CUX1: variants seen among roughly 807,000 people sequenced by gnomAD.
The protein encoded by CUX1 is protein CASP.
Under a neutral mutation model 158.8 loss-of-function variants are expected in CUX1, and 31 were observed. The ratio of observed to expected loss-of-function variants is 0.20; its 90% CI spans 0.15 to 0.26. CUX1 has a LOEUF of 0.26. Among genes scored for constraint, CUX1 ranks in the 10% least tolerant of loss-of-function variants. CUX1 has a pLI of 1.00. For missense variants in CUX1, 1,589 were observed against 2,014.6 expected (o/e 0.79, Z 4.04); for synonymous variants, 879 against 862.1 (o/e 1.02, Z -0.34).
chr7:102,255,655 T>C lies in CUX1; in HGVS notation c.*6613T>C, dbSNP rs1554541766. 2 of 985,322 alleles carry C rather than the reference T, an allele frequency of 2.0e-6. No individual in the cohort carries two copies. Among genetic ancestry groups the C allele is most frequent in the African/African-American group, 3.5e-5 (2 of 57,248 alleles). 61.0% of individuals were successfully genotyped at this position (985,322 alleles called of 1,614,324 possible). A position where few individuals can be genotyped will look rare whatever the true frequency, so the allele number is the denominator to read the frequency against. On this transcript the variant is annotated 3_prime_UTR_variant, in exon 24 of 24. Transcript: ENST00000292535. The stretch of plus-strand genomic sequence containing the variant: ...GTAATCAGAAAGAAAAGGTGCCTTA[T>C]ATCCCAATGTCACGGCTACATCCCT...
intron 1 of CUX1, among the ~76,000 whole-genome samples, chr7:101,847,386 A>G (rs1456153155): frequency 1.3e-5 from 2 of 152,142 alleles, no homozygotes; most frequent in Non-Finnish European, 2.9e-5. Context: ...CCCTATCAGC[A>G]GCCATGCGTC....
Position 102,201,900 on chromosome 7 carries a change from G to A in CUX1, c.2603G>A (p.Ser868Asn), listed in dbSNP as rs1795489283. 6.2e-7 allele frequency: 1 copy of A among 1,613,960 alleles called. No individual in the cohort carries two copies. Among genetic ancestry groups the A allele is most frequent in the South Asian group, 1.1e-5 (1 of 91,078 alleles). The change falls in exon 18 of 24, where the codon AGT becomes AAT. Residue 868 changes from serine to asparagine, a missense_variant. Transcript: ENST00000292535. This position sits in a 1 kb window ranked among gnomAD's most constrained non-coding sequence, Gnocchi z 5.0. ...GGGSQPRAER[S>N]QLQGPSSSEY... ...GGCAGCCAGCCTCGGGCCGAGCGCAGTCAGCTCCAGGGACCCTCGTCGTCA... is the reference window on the plus strand; with the variant it reads ...GGCAGCCAGCCTCGGGCCGAGCGCAATCAGCTCCAGGGACCCTCGTCGTCA...
At chr7:102,179,174 A>G (rs1310292858) in intron 11 of CUX1, among the ~76,000 whole-genome samples, 2 of 152,164 alleles carry the variant, frequency 1.3e-5, no homozygotes, top group African/African-American at 4.8e-5. Context: ...CAGCCTCCTG[A>G]GTAGCTGGGA....
At chr7:102,261,962 T>C (rs1554543969), downstream of CUX1, among the ~76,000 whole-genome samples, 1 of 152,016 alleles carries the variant, frequency 6.6e-6, no homozygotes, top group Non-Finnish European at 1.5e-5. Flanking sequence ...TACGAAAATG[T>C]TTAAAATTCG....
intron 2 of CUX1, among the ~76,000 whole-genome samples, chr7:101,984,089 A>AAAAAAAAAAAATATAT (rs1221503978): frequency 3.4e-5 from 1 of 29,840 alleles, no homozygotes; most frequent in Non-Finnish European, 7.0e-5. Flanking sequence ...AAAAAAAAAA[A>AAAAAAAAAAAATATAT]ATATATATAT....
chr7:101,921,610 G>T (rs752116256), intron 2 of CUX1, among the ~76,000 whole-genome samples: 1 of 151,976 alleles, frequency 6.6e-6, no homozygotes, highest in Non-Finnish European at 1.5e-5. Context: ...ACACGTACCC[G>T]TCACCATGCC....
At chr7:102,225,490 G>C (rs1798253211) in intron 20 of CUX1, among the ~76,000 whole-genome samples, 1 of 152,156 alleles carries the variant, frequency 6.6e-6, no homozygotes, top group African/African-American at 2.4e-5. Context: ...TTTCAGCCAG[G>C]TAACAAGTAT....
intron 15 of CUX1, among the ~76,000 whole-genome samples, 161 bp from the exon 16 acceptor site, chr7:102,198,641 G>T (rs547176133): frequency 6.6e-6 from 1 of 152,194 alleles, no homozygotes; most frequent in Non-Finnish European, 1.5e-5. Flanking sequence ...GTCAGCCAGG[G>T]AAGGGCCTCT....
At chr7:102,112,546 T>C (rs1038194651) in intron 7 of CUX1, among the ~76,000 whole-genome samples, 2 of 149,166 alleles carry the variant, frequency 1.3e-5, no homozygotes, top group Non-Finnish European at 3.0e-5. Context: ...CAGCCCTCTC[T>C]CTATTTCTTT....
chr7:101,840,650 G>A (rs1043563506), intron 1 of CUX1, among the ~76,000 whole-genome samples: 2 of 152,086 alleles, frequency 1.3e-5, no homozygotes, highest in Non-Finnish European at 2.9e-5. Flanking sequence ...GTGTTATTAA[G>A]TGAAATTGGC....
intron 15 of CUX1, among the ~76,000 whole-genome samples, chr7:102,197,701 G>A (rs192014981): frequency 2.5e-4 from 38 of 152,186 alleles, no homozygotes; most frequent in African/African-American, 7.7e-4. Flanking sequence ...TAGCAGCAAC[G>A]TTGACTGGGC....
At chr7:101,842,039 C>T (rs1351911202) in intron 1 of CUX1, among the ~76,000 whole-genome samples, 3 of 152,194 alleles carry the variant, frequency 2.0e-5, no homozygotes, top group East Asian at 1.9e-4. Flanking sequence ...ATAATTTTCT[C>T]TTTAACCTAA....
At position 102,251,851 on chromosome 7, in the gene CUX1, A is replaced by G. The variant is rs915840149; in HGVS notation, c.*2809A>G. 6.1e-6 allele frequency: 6 copies of G among 985,346 alleles called. No individual in the cohort carries two copies. Among genetic ancestry groups the G allele is most frequent in the Non-Finnish European group, 7.2e-6 (6 of 829,932 alleles). 61.0% of individuals were successfully genotyped at this position (985,346 alleles called of 1,614,324 possible). A position where few individuals can be genotyped will look rare whatever the true frequency, so the allele number is the denominator to read the frequency against. On this transcript the variant is annotated 3_prime_UTR_variant, in exon 24 of 24. Coordinates refer to ENST00000292535, the MANE Select transcript of CUX1 (RefSeq NM_181552.4). Reference sequence around the variant, plus strand: ...TTTAAAGGCATGACTGTTATTTACAAAGGTGTTAAATCTGAGGAAATTGAC... The same window carrying G: ...TTTAAAGGCATGACTGTTATTTACAGAGGTGTTAAATCTGAGGAAATTGAC...
chr7:101,981,742 C>G (rs1011574256), intron 2 of CUX1, among the ~76,000 whole-genome samples: 1 of 152,098 alleles, frequency 6.6e-6, no homozygotes, highest in African/African-American at 2.4e-5. Context: ...TCCTGAGTAG[C>G]TGGGATTACA....
intron 1 of CUX1, among the ~76,000 whole-genome samples, chr7:101,828,116 C>A (rs1201848867): frequency 6.6e-6 from 1 of 151,678 alleles, no homozygotes; most frequent in Non-Finnish European, 1.5e-5. Flanking sequence ...GCTGGGACTA[C>A]AGGCACCCAC....
intron 3 of CUX1, among the ~76,000 whole-genome samples, chr7:102,043,057 G>A (rs1190677302): frequency 3.3e-5 from 5 of 152,128 alleles, no homozygotes; most frequent in Non-Finnish European, 5.9e-5. Flanking sequence ...CACCTCCTGG[G>A]TTCAAGCCTC....
chr7:102,168,033 G>A lies in CUX1; in HGVS notation c.724-2413G>A, dbSNP rs992237861. 3.1e-4 allele frequency among the ~76,000 whole-genome samples: 46 copies of A among 150,566 alleles called. 1 individual carries two copies. Among genetic ancestry groups the A allele is most frequent in the Admixed American group, 2.4e-3 (36 of 15,100 alleles). ...GCGGAGGTTGCAGTTAACTGAGATTGCACCACTGCACTCCAGCCTGGGTGA... is the reference window on the plus strand; with the variant it reads ...GCGGAGGTTGCAGTTAACTGAGATTACACCACTGCACTCCAGCCTGGGTGA... On this transcript the variant is annotated intron_variant, in intron 9 of 23. Transcript: ENST00000292535.
chr7:102,208,438 G>A (rs1221660406), intron 20 of CUX1, among the ~76,000 whole-genome samples: 1 of 152,158 alleles, frequency 6.6e-6, no homozygotes, highest in African/African-American at 2.4e-5. Context: ...ACGGGGTTTC[G>A]CCCTGTTGGC....
chr7:102,056,138 A>G lies in CUX1; in HGVS notation c.190-14201A>G, dbSNP rs370610603. ...ATGTTTAAGGAAAGAATTTATCTCC[A>G]TAATACAAAAGTGCAAAGTAAAGCA... On this transcript the variant is annotated intron_variant, in intron 3 of 23. Transcript: ENST00000292535. 1.1e-4 allele frequency among the ~76,000 whole-genome samples: 16 copies of G among 152,380 alleles called. No individual in the cohort carries two copies. The East Asian group carries it at 3.1e-3, about 29-fold the overall frequency.
Sources: gnomAD v4.1 joint callset for allele counts (sites outside exome capture counted in the v4.1 genomes callset) on GRCh38, gnomAD v4.1.1 for gene constraint, Gnocchi (gnomAD v3.1) non-coding constraint, MANE v1.5 for transcripts, NCBI Gene and HGNC (gene_info 2026-07-23, HGNC 2026-07-21) for gene names.